Variants in TENM3 observed in about 807,000 individuals in gnomAD.
The protein encoded by TENM3 is teneurin-3.
In TENM3, 63 loss-of-function variants were observed where a neutral mutation model predicts 255.1. The ratio of observed to expected loss-of-function variants is 0.25; its 90% CI spans 0.20 to 0.30. The LOEUF (loss-of-function observed/expected upper bound fraction) is 0.30, where lower values mean the gene tolerates loss of function less well. Ranked by LOEUF, TENM3 falls within the 10% of genes least tolerant of loss-of-function variation. The pLI is 1.00. For synonymous variants in TENM3, 1,306 were observed against 1,322.3 expected, an observed-to-expected ratio of 0.99 and a Z score of 0.27; for missense variants, 2,929 against 3,461.1, an observed-to-expected ratio of 0.85 and a Z score of 3.86.
chr4:181,909,771 C>A, the TENM3 span, among the ~76,000 whole-genome samples: 1 of 152,130 alleles, frequency 6.6e-6, no homozygotes, highest in Non-Finnish European at 1.5e-5. Flanking sequence ...TACATAAATA[C>A]TCTCCCCAAT....
intron 9 of TENM3, 37 bp from the exon 10 acceptor site, chr4:182,680,506 T>A (rs1358050345): frequency 5.0e-6 from 8 of 1,605,882 alleles, no homozygotes; most frequent in African/African-American, 1.3e-5. Flanking sequence ...CGGTGGAAAG[T>A]GTGGCTGTAA....
At chr4:182,439,636 T>C (rs1772311103) in intron 3 of TENM3, among the ~76,000 whole-genome samples, 1 of 152,176 alleles carries the variant, frequency 6.6e-6, no homozygotes, top group South Asian at 2.1e-4. Context: ...GCTGTCTCTA[T>C]TTCCCCACCA....
the TENM3 span, among the ~76,000 whole-genome samples, chr4:181,547,961 C>T: frequency 6.6e-6 from 1 of 151,530 alleles, no homozygotes; most frequent in Admixed American, 6.6e-5. Context: ...CCTCCCCCGT[C>T]CCCCCACCCC....
intron 3 of TENM3, among the ~76,000 whole-genome samples, chr4:182,519,143 A>G (rs1026189718): frequency 6.6e-6 from 1 of 150,560 alleles, no homozygotes; most frequent in Non-Finnish European, 1.5e-5. Context: ...TGAAATAAAC[A>G]CTGCATTTTG....
At chr4:182,633,744 G>A (rs537370458) in intron 5 of TENM3, among the ~76,000 whole-genome samples, 9 of 152,324 alleles carry the variant, frequency 5.9e-5, no homozygotes, top group African/African-American at 2.2e-4. Context: ...TAGAGAGATG[G>A]CTCGCCTGAA....
At chr4:181,873,099 G>A in the TENM3 span, among the ~76,000 whole-genome samples, 37 of 150,478 alleles carry the variant, frequency 2.5e-4, 1 homozygote, top group African/African-American at 4.6e-4. Flanking sequence ...ATGGAGTATC[G>A]CTTTGTCGCC....
At chr4:182,742,500 TTAAAA>T (rs1761687534) in intron 18 of TENM3, among the ~76,000 whole-genome samples, 2 of 152,206 alleles carry the variant, frequency 1.3e-5, no homozygotes, top group South Asian at 2.1e-4. Flanking sequence ...ATAGGTAGAG[TTAAAA>T]TAAGCCTGTA....
At chr4:181,676,989 C>CTTTTTTTTTTTTTTTTT in the TENM3 span, among the ~76,000 whole-genome samples, 2 of 137,698 alleles carry the variant, frequency 1.5e-5, no homozygotes, top group African/African-American at 5.4e-5. Flanking sequence ...CCGATTTTAT[C>CTTTTTTTTTTTTTTTTT]TTTTTTTTTT....
chr4:182,523,184 T>TTTGTTG (rs200760976), intron 3 of TENM3, among the ~76,000 whole-genome samples: 67 of 151,374 alleles, frequency 4.4e-4, no homozygotes, highest in African/African-American at 1.4e-3. Flanking sequence ...TGTGTGTGGT[T>TTTGTTG]TTGTTGTTGT....
At chr4:181,604,419 A>G in the TENM3 span, among the ~76,000 whole-genome samples, 2,307 of 152,312 alleles carry the variant, frequency 0.015, 38 homozygotes, top group South Asian at 0.069. Context: ...GCCCTGTGAT[A>G]CCCTTCAAAA....
In TENM3 at chr4:182,792,836, A is replaced by T; in HGVS notation, c.6164A>T (p.Gln2055Leu). ...GATGACATTTCTGGCAAAGTTGAGCAGTTTGGAAAGTTTGGAGTTATATAT... is the reference window on the plus strand; with the variant it reads ...GATGACATTTCTGGCAAAGTTGAGCTGTTTGGAAAGTTTGGAGTTATATAT... ...QFDDISGKVE[Q>L]FGKFGVIYYD... Residue 2055 changes from glutamine (Q) to leucine (L), a missense_variant, in exon 26 of 28, where the codon CAG (glutamine) becomes CTG (leucine). Physicochemically the swap from Gln to Leu is moderately radical, Grantham distance 113 (BLOSUM62 -2). Coordinates refer to ENST00000511685, the MANE Select transcript of TENM3 (RefSeq NM_001080477.4). This position sits in a 1 kb window ranked among gnomAD's most constrained non-coding sequence, Gnocchi z 6.3. 1.2e-6 allele frequency: 2 copies of T among 1,613,880 alleles called. No individual in the cohort carries two copies. Among genetic ancestry groups the T allele is most frequent in the Non-Finnish European group, 1.7e-6 (2 of 1,179,806 alleles).
intron 2 of TENM3, among the ~76,000 whole-genome samples, chr4:182,335,393 G>C (rs1270726073): frequency 7.0e-6 from 1 of 143,642 alleles, no homozygotes; most frequent in African/African-American, 2.5e-5. Context: ...TGCTCGGGAG[G>C]CTGAGGCAGG....
At chr4:182,103,255 A>G in the TENM3 span, among the ~76,000 whole-genome samples, 1 of 152,256 alleles carries the variant, frequency 6.6e-6, no homozygotes, top group African/African-American at 2.4e-5. Context: ...ATTCAAATGT[A>G]AACCCAATTA....
the TENM3 span, among the ~76,000 whole-genome samples, chr4:181,759,113 T>C: frequency 1.3e-5 from 2 of 152,116 alleles, no homozygotes; most frequent in Non-Finnish European, 2.9e-5. Context: ...TTTCCTTTAA[T>C]GCAGGGCGGG....
At chr4:181,974,631 C>T in the TENM3 span, among the ~76,000 whole-genome samples, 3 of 152,072 alleles carry the variant, frequency 2.0e-5, no homozygotes, top group Non-Finnish European at 4.4e-5. Flanking sequence ...GAAGCAGCAA[C>T]GTGGTCAGTG....
At chr4:182,791,893 A>G (rs536356210) in intron 25 of TENM3, among the ~76,000 whole-genome samples, 3 of 152,296 alleles carry the variant, frequency 2.0e-5, no homozygotes, top group Non-Finnish European at 4.4e-5. Flanking sequence ...ATTGCTAATT[A>G]TGGATAGAAC....
At chr4:182,688,088 A>T in intron 11 of TENM3, 78 bp from the exon 12 acceptor site, 2 of 1,337,150 alleles carry the variant, frequency 1.5e-6, no homozygotes, top group Non-Finnish European at 2.0e-6. Context: ...TGTGTGGAAG[A>T]TAAAAGCTGC....
the TENM3 span, among the ~76,000 whole-genome samples, chr4:181,536,871 C>T: frequency 6.6e-6 from 1 of 151,992 alleles, no homozygotes; most frequent in African/African-American, 2.4e-5. Context: ...TATTAATTTG[C>T]AATGAGAAAT....
intron 7 of TENM3, among the ~76,000 whole-genome samples, chr4:182,676,118 A>G (rs930211455): frequency 6.6e-6 from 1 of 152,264 alleles, no homozygotes; most frequent in African/African-American, 2.4e-5. Flanking sequence ...AACATTAAAT[A>G]AATCAACCTG....
Sources: allele counts gnomAD v4.1 joint callset (sites outside exome capture counted in the v4.1 genomes callset), GRCh38; gene constraint gnomAD v4.1.1; non-coding constraint Gnocchi (gnomAD v3.1); transcripts MANE v1.5; gene names NCBI Gene and HGNC (gene_info 2026-07-23, HGNC 2026-07-21).